The following KLRG1 variants were observed in gnomAD, a reference collection of about 807,000 sequenced individuals.
KLRG1 encodes the protein killer cell lectin like receptor G1.
KLRG1 carries 16 observed loss-of-function variants against 21.8 expected under a neutral mutation model. That is an observed-to-expected ratio of 0.73 (90% CI 0.50 to 1.11). The LOEUF (loss-of-function observed/expected upper bound fraction) is 1.11. Ranked by LOEUF, KLRG1 falls within the 50% of genes most tolerant of loss-of-function variation. KLRG1 has a pLI of 0.00. For synonymous variants in KLRG1, 69 were observed against 75.9 expected, an observed-to-expected ratio of 0.91 and a Z score of 0.47; for missense variants, 173 against 218.3, an observed-to-expected ratio of 0.79 and a Z score of 1.31.
the KLRG1 span, among the ~76,000 whole-genome samples, chr12:9,195,233 A>T: frequency 5.7e-4 from 87 of 152,170 alleles, no homozygotes; most frequent in East Asian, 1.9e-4. Flanking sequence ...ATCAATTTTT[A>T]AAAAATTTAA....
At chr12:9,150,815 T>C in the KLRG1 span, 11 of 943,924 alleles carry the variant, frequency 1.2e-5, no homozygotes, top group Middle Eastern at 4.2e-4. Context: ...GCAAAACATA[T>C]TCTTATTGTT....
At chr12:9,169,783 TG>T in the KLRG1 span, 1 of 466,872 alleles carries the variant, frequency 2.1e-6, no homozygotes, top group Non-Finnish European at 3.6e-6. Flanking sequence ...GAAACCTACT[TG>T]GGAAAATGCT....
At chr12:9,025,599 T>G in the KLRG1 span, among the ~76,000 whole-genome samples, 2 of 152,176 alleles carry the variant, frequency 1.3e-5, no homozygotes, top group African/African-American at 4.8e-5. Flanking sequence ...ATCGTGCGAC[T>G]GCACTCCAGC....
chr12:9,034,727 G>A, the KLRG1 span, among the ~76,000 whole-genome samples: 3 of 152,238 alleles, frequency 2.0e-5, no homozygotes, highest in South Asian at 4.1e-4. Context: ...GATTACAGGC[G>A]TGAGGCACCG....
chr12:9,156,713 G>T, the KLRG1 span, among the ~76,000 whole-genome samples: 1 of 152,156 alleles, frequency 6.6e-6, no homozygotes, highest in East Asian at 1.9e-4. Context: ...TCCCAGAGAA[G>T]ACAGTTTTAT....
chr12:9,080,004 T>C, the KLRG1 span: 2 of 964,216 alleles, frequency 2.1e-6, no homozygotes, highest in Admixed American at 3.2e-5. Flanking sequence ...GTTAAAATTA[T>C]AGTATTATTT....
chr12:9,110,273 T>C, the KLRG1 span: 1 of 1,411,988 alleles, frequency 7.1e-7, no homozygotes, highest in Non-Finnish European at 9.7e-7. Context: ...TCCCTATATG[T>C]ATTGCTTTCC....
chr12:9,072,629 T>G, the KLRG1 span: 1 of 1,612,300 alleles, frequency 6.2e-7, no homozygotes, highest in Non-Finnish European at 8.5e-7. Flanking sequence ...ATCTGTCCTG[T>G]CCTCACCTGC....
At chr12:9,027,398 G>T in the KLRG1 span, 1 of 524,486 alleles carries the variant, frequency 1.9e-6, no homozygotes, top group African/African-American at 1.9e-5. Flanking sequence ...GAGTATTTGC[G>T]TAAAACATGT....
At chr12:9,145,598 A>G in the KLRG1 span, among the ~76,000 whole-genome samples, 1 of 152,188 alleles carries the variant, frequency 6.6e-6, no homozygotes, top group Non-Finnish European at 1.5e-5. Flanking sequence ...ACAGTAATAC[A>G]GTATCATGTG....
the KLRG1 span, among the ~76,000 whole-genome samples, chr12:9,121,410 G>A: frequency 3.9e-5 from 6 of 152,006 alleles, no homozygotes; most frequent in African/African-American, 4.8e-5. This position sits in a 1 kb window ranked among gnomAD's most constrained non-coding sequence, Gnocchi z 4.4. Flanking sequence ...GTGTGGTGGC[G>A]TGCGCCTGTA....
chr12:9,047,656 C>G, the KLRG1 span, among the ~76,000 whole-genome samples: 1 of 151,800 alleles, frequency 6.6e-6, no homozygotes, highest in African/African-American at 2.4e-5. Context: ...ATGTAGTCTA[C>G]AAAAAACTCA....
the KLRG1 span, among the ~76,000 whole-genome samples, chr12:9,093,281 T>C: frequency 1.3e-5 from 2 of 152,326 alleles, no homozygotes; most frequent in South Asian, 2.1e-4. Context: ...TGTGAGCTAA[T>C]GGATGTGTTA....
At chr12:9,179,235 A>G in the KLRG1 span, among the ~76,000 whole-genome samples, 1 of 152,120 alleles carries the variant, frequency 6.6e-6, no homozygotes. Flanking sequence ...CCCATATTAG[A>G]TATCATTTTC....
the KLRG1 span, chr12:9,027,663 A>T: frequency 2.1e-6 from 2 of 950,776 alleles, no homozygotes; most frequent in Non-Finnish European, 3.4e-6. Context: ...TCTTCCCTTC[A>T]TGGGTCCAAA....
the KLRG1 span, among the ~76,000 whole-genome samples, chr12:9,174,361 T>C: frequency 1.3e-5 from 2 of 152,126 alleles, no homozygotes; most frequent in East Asian, 3.9e-4. Context: ...ACACAGCCAA[T>C]ATCATACTGA....
chr12:9,112,214 G>A, the KLRG1 span: 1 of 1,613,792 alleles, frequency 6.2e-7, no homozygotes, highest in South Asian at 1.1e-5. Flanking sequence ...AAATTTCACT[G>A]AAACAGAAAT....
the KLRG1 span, chr12:9,067,942 A>C: frequency 4.2e-6 from 5 of 1,177,220 alleles, no homozygotes; most frequent in Non-Finnish European, 6.2e-6. Context: ...AAGGAAACCT[A>C]ATCAGTACAG....
the KLRG1 span, chr12:9,107,709 TA>T: frequency 6.3e-7 from 1 of 1,580,404 alleles, no homozygotes; most frequent in South Asian, 1.1e-5. Flanking sequence ...TCTAGCTATT[TA>T]TATCTCCCCT....
Sources: allele counts gnomAD v4.1 joint callset (sites outside exome capture counted in the v4.1 genomes callset), GRCh38; gene constraint gnomAD v4.1.1; non-coding constraint Gnocchi (gnomAD v3.1); transcripts MANE v1.5; gene names NCBI Gene and HGNC (gene_info 2026-07-23, HGNC 2026-07-21).